ECT2L: variants seen among roughly 807,000 people sequenced by gnomAD.
The protein encoded by ECT2L is epithelial cell-transforming sequence 2 oncogene-like.
A neutral mutation model predicts 122.8 loss-of-function variants in ECT2L; 126 were observed. That is an observed-to-expected ratio of 1.03 (90% confidence interval 0.89 to 1.19). The LOEUF (loss-of-function observed/expected upper bound fraction) is 1.19, where lower values mean the gene tolerates loss of function less well. Among genes scored for constraint, ECT2L ranks in the 50% most tolerant of loss-of-function variants. The pLI is 0.00. For missense variants in ECT2L, 1,012 were observed against 1,064.1 expected (o/e 0.95, Z 0.68); for synonymous variants, 385 against 381.8 (o/e 1.01, Z -0.10).
intron 9 of ECT2L, 116 bp downstream of exon 9, chr6:138,849,550 T>G (rs1158439362): frequency 1.7e-6 from 2 of 1,206,158 alleles, no homozygotes; most frequent in Non-Finnish European, 2.2e-6. Flanking sequence ...TGTTGATTTT[T>G]TGGCTTTATG....
Position 138,885,743 on chromosome 6 carries a change from G to A in ECT2L, c.2172G>A (p.Arg724=), listed in dbSNP as rs1778799965. 6.2e-7 allele frequency: 1 copy of A among 1,614,108 alleles called. No homozygotes were observed. The highest frequency in any genetic ancestry group is 2.2e-5 in the East Asian group (1 of 44,878). Residue 724 remains arginine (R), a synonymous_variant, in exon 18 of 22, where the codon AGG becomes AGA. Coordinates refer to ENST00000541398, the MANE Select transcript of ECT2L (RefSeq NM_001077706.3). ...EEYLNLLYAV[R]LHTPAEHVDR... ...ACCTTAATCTTCTCTACGCTGTCAG[G>A]CTTCATACCCCTGCAGAGCATGTTG... is the stretch of plus-strand genomic sequence containing the variant.
intron 14 of ECT2L, among the ~76,000 whole-genome samples, chr6:138,880,427 AAT>A (rs1367080852): frequency 1.3e-5 from 2 of 152,190 alleles, no homozygotes; most frequent in Non-Finnish European, 2.9e-5. Context: ...TCCACTTCTT[AAT>A]ACTGTCACAT....
Position 138,838,383 on chromosome 6 carries a change from C to A in ECT2L, c.211C>A (p.Gln71Lys), listed in dbSNP as rs1776918859. Reference sequence around the variant, plus strand: ...CCAAGACTGGTTTTCAGAAAGGATGCAAGTGGCCAAAGTGGACTTCTCTAC... The same window carrying A: ...CCAAGACTGGTTTTCAGAAAGGATGAAAGTGGCCAAAGTGGACTTCTCTAC... ...FVQDWFSERMQVAKVDFSTVL... is the reference protein window; with the variant it reads ...FVQDWFSERMKVAKVDFSTVL... The change falls in exon 5 of 22, where the codon CAA (glutamine) becomes AAA (lysine). Residue 71 changes from glutamine (Q) to lysine (K), a missense_variant. Physicochemically the swap from Gln to Lys is moderately conservative, Grantham distance 53 (BLOSUM62 1). Transcript: ENST00000541398. 6.2e-7 allele frequency: 1 copy of A among 1,609,932 alleles called. No individual in the cohort carries two copies. Among genetic ancestry groups the A allele is most frequent in the Non-Finnish European group, 8.5e-7 (1 of 1,178,550 alleles).
intron 10 of ECT2L, among the ~76,000 whole-genome samples, chr6:138,855,264 T>C (rs1308237994): frequency 6.6e-6 from 1 of 152,134 alleles, no homozygotes; most frequent in Non-Finnish European, 1.5e-5. Context: ...TCCCAGTACT[T>C]TGGGAGGCCA....
chr6:138,867,951 G>A (rs1778105982), intron 12 of ECT2L, 152 bp from the exon 13 acceptor site: 3 of 515,752 alleles, frequency 5.8e-6, no homozygotes, highest in Non-Finnish European at 9.7e-6. Context: ...AGTGAGCTAT[G>A]ATTTTGCCAC....
Position 138,846,600 on chromosome 6 carries a change from CAT to C in ECT2L, c.828_829del (p.His276GlnfsTer3), listed in dbSNP as rs748541182. 2 of 1,610,974 alleles carry C rather than the reference CAT, an allele frequency of 1.2e-6. No individual in the cohort carries two copies. Among genetic ancestry groups the C allele is most frequent in the South Asian group, 2.2e-5 (2 of 90,204 alleles). ...LLSKKNWHGV[H>X]KNDDRSSYAL... ...ATCAAAGAAAAATTGGCATGGAGTT[CAT>C]AAAAATGATGACAGATCTTCATATG... On this transcript the variant is annotated frameshift_variant, in exon 8 of 22. Transcript: ENST00000541398. LOFTEE classifies it high-confidence loss of function.
intron 20 of ECT2L, among the ~76,000 whole-genome samples, chr6:138,900,254 T>C (rs1779354145): frequency 6.8e-6 from 1 of 146,476 alleles, no homozygotes; most frequent in African/African-American, 2.5e-5. Context: ...ACTTATTATC[T>C]TTTTTTTTTT....
chr6:138,803,820 T>C (rs1338870135), intron 1 of ECT2L, among the ~76,000 whole-genome samples: 1 of 152,226 alleles, frequency 6.6e-6, no homozygotes, highest in Non-Finnish European at 1.5e-5. Flanking sequence ...CATGCCTTTC[T>C]AATATATTCA....
At chr6:138,830,545 C>T (rs764408101) in intron 4 of ECT2L, among the ~76,000 whole-genome samples, 3 of 152,180 alleles carry the variant, frequency 2.0e-5, no homozygotes, top group Non-Finnish European at 2.9e-5. Flanking sequence ...TCACTACTCA[C>T]CCCATCCTAA....
intron 13 of ECT2L, among the ~76,000 whole-genome samples, chr6:138,868,983 A>G (rs978350233): frequency 7.2e-5 from 11 of 152,168 alleles, no homozygotes; most frequent in African/African-American, 2.7e-4. Flanking sequence ...CCTGGCCAAC[A>G]TGGTGAAACC....
intron 5 of ECT2L, among the ~76,000 whole-genome samples, chr6:138,840,594 T>C (rs1217184359): frequency 6.6e-6 from 1 of 152,168 alleles, no homozygotes; most frequent in African/African-American, 2.4e-5. Context: ...GCTAATTTTT[T>C]TTTATAGAAC....
intron 1 of ECT2L, among the ~76,000 whole-genome samples, chr6:138,796,677 C>T (rs573083471): frequency 6.6e-6 from 1 of 152,234 alleles, no homozygotes; most frequent in Non-Finnish European, 1.5e-5. Context: ...AAGGATAGCT[C>T]TAAGAGTTAA....
intron 19 of ECT2L, among the ~76,000 whole-genome samples, chr6:138,888,557 ACC>A (rs1297390612): frequency 5.3e-5 from 8 of 151,670 alleles, no homozygotes; most frequent in Non-Finnish European, 1.2e-4. Context: ...CAGGTGATCC[ACC>A]CACCTCGGCC....
At position 138,862,966 on chromosome 6, in the gene ECT2L, A is replaced by G. The variant is rs907509115; in HGVS notation, c.1291+247A>G. Among the ~76,000 whole-genome samples the G allele has an allele frequency of 2.6e-5, 4 of 152,270 alleles. No homozygotes were observed. The East Asian group carries it at 7.7e-4, about 29-fold the overall frequency. Reference sequence around the variant, plus strand: ...ATCATTTTCAAAAACTGTTGAAAACATAATCTTTAGCAATTAAGCAAAGTT... The same window carrying G: ...ATCATTTTCAAAAACTGTTGAAAACGTAATCTTTAGCAATTAAGCAAAGTT... On this transcript the variant is annotated intron_variant, in intron 11 of 21. Coordinates refer to ENST00000541398, the MANE Select transcript of ECT2L (RefSeq NM_001077706.3).
intron 20 of ECT2L, among the ~76,000 whole-genome samples, chr6:138,895,482 CCA>C (rs1394947747): frequency 1.3e-5 from 2 of 152,142 alleles, no homozygotes; most frequent in African/African-American, 2.4e-5. Flanking sequence ...AGTGCCGTTT[CCA>C]GTGATTGGAC....
At chr6:138,839,009 T>C (rs1345249923) in intron 5 of ECT2L, among the ~76,000 whole-genome samples, 1 of 152,196 alleles carries the variant, frequency 6.6e-6, no homozygotes, top group Non-Finnish European at 1.5e-5. Flanking sequence ...CTCGCACTCC[T>C]GACCTTGTGA....
intron 10 of ECT2L, among the ~76,000 whole-genome samples, chr6:138,856,000 T>C (rs1447699114): frequency 6.6e-6 from 1 of 152,208 alleles, no homozygotes; most frequent in African/African-American, 2.4e-5. Flanking sequence ...ATCACCATTC[T>C]GGGCCCCGAA....
chr6:138,844,228 G>A (rs898385389), intron 6 of ECT2L, among the ~76,000 whole-genome samples, 184 bp from the exon 7 acceptor site: 5 of 152,180 alleles, frequency 3.3e-5, no homozygotes, highest in Admixed American at 2.0e-4. Flanking sequence ...TGAAATGACC[G>A]GTAGCTCACA....
chr6:138,896,040 T>C (rs1435870157), intron 20 of ECT2L, among the ~76,000 whole-genome samples: 29 of 152,160 alleles, frequency 1.9e-4, no homozygotes, highest in African/African-American at 2.4e-5. Context: ...ATTTTGTACC[T>C]TGGAACTTCT....
Sources: allele counts gnomAD v4.1 joint callset (sites outside exome capture counted in the v4.1 genomes callset), GRCh38; gene constraint gnomAD v4.1.1; transcripts MANE v1.5; gene names NCBI Gene and HGNC (gene_info 2026-07-23, HGNC 2026-07-21).